Variants in DHX30 observed in about 807,000 individuals in gnomAD.
DHX30 encodes the protein DExH-box helicase 30.
In DHX30, 4 loss-of-function variants were observed where a neutral mutation model predicts 116.9. The observed-to-expected ratio is 0.03, with a 90% CI of 0.02 to 0.08. The LOEUF is 0.08. Ranked by LOEUF, DHX30 falls within the 10% of genes least tolerant of loss-of-function variation. The pLI is 1.00. For synonymous variants in DHX30, 697 were observed against 651.7 expected, an observed-to-expected ratio of 1.07 and a Z score of -1.06; for missense variants, 871 against 1,595.1, an observed-to-expected ratio of 0.55 and a Z score of 7.73.
intron 4 of DHX30, among the ~76,000 whole-genome samples, chr3:47,821,850 C>A (rs1296613913): frequency 6.6e-6 from 1 of 152,136 alleles, no homozygotes; most frequent in Non-Finnish European, 1.5e-5. Flanking sequence ...CCACCCTCCT[C>A]GGCCTCCCAA....
At chr3:47,828,137 C>T in intron 5 of DHX30, among the ~76,000 whole-genome samples, 1 of 151,832 alleles carries the variant, frequency 6.6e-6, no homozygotes. Context: ...TGGGAGACAC[C>T]ACTGCTCTCA....
At chr3:47,836,543 G>A (rs1359355178) in intron 6 of DHX30, among the ~76,000 whole-genome samples, 2 of 151,826 alleles carry the variant, frequency 1.3e-5, no homozygotes, top group Non-Finnish European at 2.9e-5. Context: ...TTTTGAGATG[G>A]TGTCTTGCTC....
chr3:47,836,614 G>T (rs912406385), intron 6 of DHX30, among the ~76,000 whole-genome samples: 1 of 149,538 alleles, frequency 6.7e-6, no homozygotes, highest in African/African-American at 2.5e-5. Context: ...CACGTCCTGG[G>T]TTTAAGCGAT....
At chr3:47,806,756 A>T (rs560244993) in intron 2 of DHX30, among the ~76,000 whole-genome samples, 9 of 151,240 alleles carry the variant, frequency 6.0e-5, no homozygotes, top group African/African-American at 1.9e-4. Flanking sequence ...TGCCTGGCCA[A>T]TTTTTTTTGT....
In DHX30 at chr3:47,843,120, C is replaced by T; in HGVS notation, c.804C>T (p.Phe268=). 1 of 1,614,228 alleles carries T rather than the reference C, an allele frequency of 6.2e-7. No homozygotes were observed. The highest frequency in any genetic ancestry group is 8.5e-7 in the Non-Finnish European group (1 of 1,180,044). ...SSSTAKNLMQ[F]HTVGTKTKLS... ...CTTCCATGTAGAACCTCATGCAGTT[C>T]CATACTGTGGGCACCAAGACCAAGC... Residue 268 remains phenylalanine (F), a synonymous_variant, in exon 9 of 22, where the codon TTC becomes TTT. Coordinates refer to ENST00000445061, the MANE Select transcript of DHX30 (RefSeq NM_138615.3).
chr3:47,841,488 T>G (rs2037371690), intron 7 of DHX30, 129 bp from the exon 8 acceptor site: 1 of 1,315,542 alleles, frequency 7.6e-7, no homozygotes, highest in Non-Finnish European at 1.0e-6. Context: ...CGGTTTCCCA[T>G]CCATTTCATG....
chr3:47,824,857 G>T (rs915599615), intron 4 of DHX30: 2 of 456,360 alleles, frequency 4.4e-6, no homozygotes, highest in African/African-American at 4.1e-5. Flanking sequence ...CCTGGGCAGC[G>T]CCGAGCCCGC....
intron 6 of DHX30, among the ~76,000 whole-genome samples, chr3:47,829,376 C>A (rs2036728819): frequency 7.7e-6 from 1 of 129,404 alleles, no homozygotes. Flanking sequence ...CAGAGTTTCA[C>A]TCTGTTGCCC....
At chr3:47,837,205 T>C (rs2037161942) in intron 6 of DHX30, among the ~76,000 whole-genome samples, 1 of 152,104 alleles carries the variant, frequency 6.6e-6, no homozygotes, top group Non-Finnish European at 1.5e-5. Flanking sequence ...TGCGTGGCTA[T>C]GGGGAATGAG....
chr3:47,821,148 G>T (rs997467180), intron 4 of DHX30, among the ~76,000 whole-genome samples: 9 of 152,038 alleles, frequency 5.9e-5, no homozygotes, highest in African/African-American at 1.9e-4. Flanking sequence ...TAGAGACGGG[G>T]TTTCACCATT....
chr3:47,816,790 A>T (rs1482451561), intron 3 of DHX30: 1 of 985,274 alleles, frequency 1.0e-6, no homozygotes, highest in Admixed American at 6.2e-5. Flanking sequence ...GGAGTGCAGG[A>T]CTTGCTTCTC....
At chr3:47,825,542 G>T (rs571797565) in intron 4 of DHX30, among the ~76,000 whole-genome samples, 1 of 152,344 alleles carries the variant, frequency 6.6e-6, no homozygotes, top group South Asian at 2.1e-4. Flanking sequence ...AGTGGCCAAG[G>T]GCTAGAGCTT....
rs1348270716 is a variant in DHX30, at chr3:47,823,362, T to G, written c.125-3985T>G. ...GGTTGGCATCCCTGGTTGTTGTTTT[T>G]TTTTTTTTTTTTGTCTTTTTGAGAC... On this transcript the variant is annotated intron_variant, in intron 4 of 21. Transcript: ENST00000445061. Among the ~76,000 whole-genome samples, 10 of 150,264 alleles carry G rather than the reference T, an allele frequency of 6.7e-5. 1 individual carries two copies. Among genetic ancestry groups the G allele is most frequent in the Non-Finnish European group, 1.5e-4 (10 of 67,406 alleles).
rs1173999321 is a variant in DHX30 at position 47,847,121 on chromosome 3, G to A, written c.1929+120G>A. The A allele has an allele frequency of 2.0e-6, 3 of 1,484,454 alleles. No individual in the cohort carries two copies. Among genetic ancestry groups the A allele is most frequent in the African/African-American group, 2.8e-5 (2 of 72,470 alleles). The allele number at this position is 1,484,454 out of a possible 1,614,324, so 92.0% of individuals were successfully genotyped here. A position where few individuals can be genotyped will look rare whatever the true frequency, so the allele number is the denominator to read the frequency against. On this transcript the variant is annotated intron_variant, in intron 11 of 21. Transcript: ENST00000445061. This position sits in a 1 kb window ranked among gnomAD's most constrained non-coding sequence, Gnocchi z 5.5. ...ACCCTCCCCAGTCCTCGGTTTCCTT[G>A]ATAGAAACTGGGGACTAACCCTGCC... is the stretch of plus-strand genomic sequence containing the variant.
intron 6 of DHX30, among the ~76,000 whole-genome samples, chr3:47,829,552 C>T (rs2036737902): frequency 6.6e-6 from 1 of 151,524 alleles, no homozygotes; most frequent in South Asian, 2.1e-4. Flanking sequence ...CCCTGTTGGC[C>T]AGGCTGGTCT....
At chr3:47,837,881 A>G (rs902500822) in intron 6 of DHX30, among the ~76,000 whole-genome samples, 3 of 152,188 alleles carry the variant, frequency 2.0e-5, no homozygotes, top group African/African-American at 4.8e-5. Context: ...GGAGCTGTGG[A>G]CGAGCAATGG....
rs753756976 is a variant in DHX30, at chr3:47,846,493, G to A, written c.1421G>A (p.Arg474His). ...CGCATCCCCCAGCTGTTGCTGGAGC[G>A]CTATGTGACCGAGGGCCGAGGTGCC... Reference protein sequence around the residue: ...TTRIPQLLLERYVTEGRGARC... With the variant: ...TTRIPQLLLEHYVTEGRGARC... The change falls in exon 11 of 22, where the codon CGC (arginine) becomes CAC (histidine). Residue 474 changes from arginine (R) to histidine (H), a missense_variant. Physicochemically the swap from Arg to His is conservative, Grantham distance 29. Transcript: ENST00000445061. The A allele has an allele frequency of 4.3e-6, 7 of 1,613,922 alleles. No homozygotes were observed. Among genetic ancestry groups the A allele is most frequent in the East Asian group, 2.2e-5 (1 of 44,898 alleles).
At chr3:47,829,742 A>G (rs919874076) in intron 6 of DHX30, among the ~76,000 whole-genome samples, 1 of 152,180 alleles carries the variant, frequency 6.6e-6, no homozygotes, top group Non-Finnish European at 1.5e-5. Flanking sequence ...CGTGAGGGAT[A>G]TATTTCCATG....
At position 47,841,119 on chromosome 3, in the gene DHX30, T is replaced by A; in HGVS notation, c.609T>A (p.Asp203Glu). The A allele has an allele frequency of 6.2e-7, 1 of 1,614,150 alleles. No homozygotes were observed. The change falls in exon 7 of 22, where the codon GAT becomes GAA. Residue 203 changes from aspartate to glutamate, a missense_variant. Coordinates refer to ENST00000445061, the MANE Select transcript of DHX30 (RefSeq NM_138615.3). ...AAGAGCTAGAAGAAGGGACCATAGA[T>A]GTTACCGACTTCTTGTCCATGACCC... The part of the protein sequence containing the change: ...EEEELEEGTI[D>E]VTDFLSMTQQ...
Sources: allele counts gnomAD v4.1 joint callset (sites outside exome capture counted in the v4.1 genomes callset), GRCh38; gene constraint gnomAD v4.1.1; non-coding constraint Gnocchi (gnomAD v3.1); transcripts MANE v1.5; gene names NCBI Gene and HGNC (gene_info 2026-07-23, HGNC 2026-07-21).